REC114: variants seen among roughly 807,000 people sequenced by gnomAD.
The protein encoded by REC114 is meiotic recombination protein REC114.
REC114 carries 27 observed loss-of-function variants against 31.3 expected under a neutral mutation model. That is an observed-to-expected ratio of 0.86 (90% CI 0.64 to 1.19). REC114 has a LOEUF of 1.19. Among genes scored for constraint, REC114 ranks in the 50% most tolerant of loss-of-function variants. The pLI is 0.00. For missense variants in REC114, 344 were observed against 326.9 expected, an observed-to-expected ratio of 1.05 and a Z score of -0.40; for synonymous variants, 134 against 127.7, an observed-to-expected ratio of 1.05 and a Z score of -0.33.
rs1893345099 is a variant in REC114 at position 73,484,892 on chromosome 15, G to A, written c.249+10971G>A. Among the ~76,000 whole-genome samples, 4 of 152,246 alleles carry A rather than the reference G, an allele frequency of 2.6e-5. No individual in the cohort carries two copies. The South Asian group carries it at 6.2e-4, about 24-fold the overall frequency. ...TTTATTTTTCACACCCGGCCCAAAT[G>A]TTCTTCCAACAGGAATTGTCTTTCT... On this transcript the variant is annotated intron_variant, in intron 2 of 5. Transcript: ENST00000331090.
rs1894468710 is a variant in REC114 at position 73,556,392 on chromosome 15, G to C, written c.636+1G>C. The C allele has an allele frequency of 6.2e-7, 1 of 1,611,570 alleles. No individual in the cohort carries two copies. Among genetic ancestry groups the C allele is most frequent in the South Asian group, 1.1e-5 (1 of 90,842 alleles). On this transcript the variant is annotated splice_donor_variant, in intron 5 of 5. Coordinates refer to ENST00000331090, the MANE Select transcript of REC114 (RefSeq NM_001042367.2). LOFTEE classifies it high-confidence loss of function. The stretch of plus-strand genomic sequence containing the variant: ...GACCTCACTGACGCAGTTAGCTCAG[G>C]TAGAGCTTATTTCTGTGTTCAATTT...
intron 2 of REC114, among the ~76,000 whole-genome samples, chr15:73,516,235 C>G (rs768722856): frequency 3.3e-5 from 5 of 152,130 alleles, no homozygotes; most frequent in Non-Finnish European, 5.9e-5. Context: ...ATCTGCCCGC[C>G]TCGGCCTCCC....
At position 73,527,035 on chromosome 15, in the gene REC114, C is replaced by T. The variant is rs974780484; in HGVS notation, c.250-13450C>T. Among the ~76,000 whole-genome samples the T allele has an allele frequency of 2.0e-5, 3 of 151,862 alleles. 1 individual carries two copies. The South Asian group carries it at 6.3e-4, about 32-fold the overall frequency. ...TTATGTTGCCCAGGCTAGTCATGAA[C>T]CCTTGGCCTCAAGCAATCCTCCCAT... On this transcript the variant is annotated intron_variant, in intron 2 of 5. Coordinates refer to ENST00000331090, the MANE Select transcript of REC114 (RefSeq NM_001042367.2).
At chr15:73,464,619 G>A (rs781301821) in intron 1 of REC114, among the ~76,000 whole-genome samples, 1 of 152,160 alleles carries the variant, frequency 6.6e-6, no homozygotes, top group Non-Finnish European at 1.5e-5. Context: ...GAAGGATTGA[G>A]TTAAGTTGGC....
intron 2 of REC114, among the ~76,000 whole-genome samples, chr15:73,509,393 C>T (rs1180382173): frequency 6.7e-6 from 1 of 150,330 alleles, no homozygotes; most frequent in African/African-American, 2.5e-5. Context: ...TTGTAGGTTG[C>T]CTGTTCACTC....
At chr15:73,528,573 G>A (rs1049502299) in intron 2 of REC114, among the ~76,000 whole-genome samples, 1 of 152,160 alleles carries the variant, frequency 6.6e-6, no homozygotes, top group African/African-American at 2.4e-5. Flanking sequence ...GGACACATCT[G>A]GCCCATTGCC....
At chr15:73,556,762 A>G (rs1402300639) in intron 5 of REC114, among the ~76,000 whole-genome samples, 1 of 152,124 alleles carries the variant, frequency 6.6e-6, no homozygotes, top group Non-Finnish European at 1.5e-5. Flanking sequence ...TAAGACAAAT[A>G]TCAAAATGAA....
At chr15:73,455,931 C>T (rs73442061) in intron 1 of REC114, among the ~76,000 whole-genome samples, 7,036 of 152,180 alleles carry the variant, frequency 0.046, 266 homozygotes, top group African/African-American at 0.11. Flanking sequence ...GGTTCAAGGA[C>T]CACACTTTGA....
intron 2 of REC114, among the ~76,000 whole-genome samples, chr15:73,501,421 C>T (rs560402928): frequency 4.8e-4 from 73 of 152,086 alleles, no homozygotes; most frequent in Non-Finnish European, 7.5e-4. Context: ...ATCCTGTGAG[C>T]CTTTTCCAGT....
chr15:73,496,972 A>G (rs553667796), intron 2 of REC114, among the ~76,000 whole-genome samples: 1 of 151,048 alleles, frequency 6.6e-6, no homozygotes, highest in Admixed American at 6.6e-5. Flanking sequence ...GAAGAGTACT[A>G]GCCAGTTACC....
At chr15:73,524,558 G>GTTT (rs1488167113) in intron 2 of REC114, among the ~76,000 whole-genome samples, 2 of 152,232 alleles carry the variant, frequency 1.3e-5, no homozygotes, top group Admixed American at 1.3e-4. Context: ...CAAAACTCTT[G>GTTT]TGCCCAGATG....
intron 1 of REC114, among the ~76,000 whole-genome samples, chr15:73,452,546 A>G (rs11629473): frequency 0.025 from 3,842 of 152,306 alleles, 94 homozygotes; most frequent in African/African-American, 0.06. Context: ...TATCATGAAA[A>G]TGGCCATTCT....
Position 73,555,748 on chromosome 15 carries a change from C to T in REC114, c.547-554C>T, listed in dbSNP as rs536377499. 2.0e-5 allele frequency among the ~76,000 whole-genome samples: 3 copies of T among 152,218 alleles called. No individual in the cohort carries two copies. The South Asian group carries it at 6.2e-4, about 32-fold the overall frequency. ...TGAAAGAAGATATCTGTAAGTTTTACTTACAGAAGAACTGATTCTTTCAGA... is the reference window on the plus strand; with the variant it reads ...TGAAAGAAGATATCTGTAAGTTTTATTTACAGAAGAACTGATTCTTTCAGA... On this transcript the variant is annotated intron_variant, in intron 4 of 5. Coordinates refer to ENST00000331090, the MANE Select transcript of REC114 (RefSeq NM_001042367.2).
chr15:73,448,046 C>T (rs1178381039), intron 1 of REC114, among the ~76,000 whole-genome samples: 1 of 151,916 alleles, frequency 6.6e-6, no homozygotes, highest in Non-Finnish European at 1.5e-5. Context: ...GTTTCAAGCA[C>T]AAAACTGGGT....
chr15:73,482,310 C>A (rs1294375522), intron 2 of REC114, among the ~76,000 whole-genome samples: 1 of 152,150 alleles, frequency 6.6e-6, no homozygotes, highest in Non-Finnish European at 1.5e-5. Context: ...TAAGTGAGTT[C>A]TTGCTCTGAG....
chr15:73,482,288 T>C (rs1893305613), intron 2 of REC114, among the ~76,000 whole-genome samples: 1 of 152,192 alleles, frequency 6.6e-6, no homozygotes, highest in Non-Finnish European at 1.5e-5. Context: ...CTTGGTGCTG[T>C]CCTCACGATA....
rs753968018 is a variant in REC114, at chr15:73,539,282, A to ATTTTTTTTTTTTTT, written c.250-1190_250-1177dup. Among the ~76,000 whole-genome samples the ATTTTTTTTTTTTTT allele has an allele frequency of 4.2e-4, 30 of 70,822 alleles. 5 individuals carry two copies. The highest frequency in any genetic ancestry group is 1.4e-3 in the African/African-American group (21 of 15,136). 46.5% of individuals were successfully genotyped at this position (70,822 alleles called of 152,430 possible). A position where few individuals can be genotyped will look rare whatever the true frequency, so the allele number is the denominator to read the frequency against. On this transcript the variant is annotated intron_variant, in intron 2 of 5. Transcript: ENST00000331090. ...GCTTAGAGGTAGCATTTCAGAACTG[A>ATTTTTTTTTTTTTT]TTTTTTTTTTTTTTTTTTTTTTTTT...
intron 1 of REC114, among the ~76,000 whole-genome samples, chr15:73,460,682 T>C (rs1892978374): frequency 6.9e-6 from 1 of 145,640 alleles, no homozygotes; most frequent in Non-Finnish European, 1.5e-5. Flanking sequence ...CTGGTATAGT[T>C]AGTGATTTTA....
At chr15:73,454,960 A>G (rs1307137426) in intron 1 of REC114, among the ~76,000 whole-genome samples, 1 of 152,208 alleles carries the variant, frequency 6.6e-6, no homozygotes, top group African/African-American at 2.4e-5. Context: ...AGTGCTTTTA[A>G]CAGTTTTCAA....
Sources: gnomAD v4.1 joint callset for allele counts (sites outside exome capture counted in the v4.1 genomes callset) on GRCh38, gnomAD v4.1.1 for gene constraint, MANE v1.5 for transcripts, NCBI Gene and HGNC (gene_info 2026-07-23, HGNC 2026-07-21) for gene names.